OPTN: variants seen among roughly 807,000 people sequenced by gnomAD.
OPTN encodes the protein optineurin.
Under a neutral mutation model 70.4 loss-of-function variants are expected in OPTN, and 54 were observed. The ratio of observed to expected loss-of-function variants is 0.77; its 90% CI spans 0.62 to 0.96. The LOEUF (loss-of-function observed/expected upper bound fraction) is 0.96. OPTN is among the 40% of genes least tolerant of loss of function. The pLI is 0.00. For synonymous variants in OPTN, 256 were observed against 248.5 expected, an observed-to-expected ratio of 1.03 and a Z score of -0.28; for missense variants, 624 against 673.2, an observed-to-expected ratio of 0.93 and a Z score of 0.81.
intron 7 of OPTN, among the ~76,000 whole-genome samples, chr10:13,121,719 T>C (rs1440210245): frequency 6.6e-6 from 1 of 152,116 alleles, no homozygotes; most frequent in Non-Finnish European, 1.5e-5. Flanking sequence ...GTCGGCCTTC[T>C]TGGGCTGGTA....
chr10:13,109,552 G>A (rs534017078), intron 3 of OPTN: 13 of 439,042 alleles, frequency 3.0e-5, no homozygotes, highest in African/African-American at 6.0e-5. Flanking sequence ...GAGGCTGGGC[G>A]TGGTGGCTCA....
intron 5 of OPTN, among the ~76,000 whole-genome samples, chr10:13,115,413 TTATAGAATATATATAA>T (rs1287467227): frequency 5.6e-5 from 6 of 107,920 alleles, no homozygotes; most frequent in Admixed American, 3.6e-4. Flanking sequence ...TGTATTTATA[TTATAGAATATATATAA>T]TATAGAATAT....
chr10:13,127,829 C>T lies in OPTN; in HGVS notation c.1327C>T (p.Gln443Ter). Residue 443 changes from glutamine (Q) to a stop codon, truncating the protein, a stop_gained, in exon 12 of 15, where the codon CAA (glutamine) becomes TAA (stop). Coordinates refer to ENST00000378747, the MANE Select transcript of OPTN (RefSeq NM_001008212.2). LOFTEE classifies it high-confidence loss of function. The part of the protein sequence containing the change: ...AEKALASKQL[Q>*]MDEMKQTIAK... Reference sequence around the variant, plus strand: ...GAAGGCTCTGGCTTCCAAACAGCTGCAAATGGATGAAATGAAGCAAACCAT... The same window carrying T: ...GAAGGCTCTGGCTTCCAAACAGCTGTAAATGGATGAAATGAAGCAAACCAT... 1 of 1,614,008 alleles carries T rather than the reference C, an allele frequency of 6.2e-7. No homozygotes were observed.
chr10:13,116,127 A>G (rs1434067051), intron 5 of OPTN, 140 bp from the exon 6 acceptor site: 6 of 704,824 alleles, frequency 8.5e-6, no homozygotes, highest in Non-Finnish European at 1.3e-5. Context: ...CACCCCGTTT[A>G]AACAGTGCAC....
intron 6 of OPTN, among the ~76,000 whole-genome samples, chr10:13,116,971 T>C (rs1487961575): frequency 6.6e-6 from 1 of 152,084 alleles, no homozygotes; most frequent in Admixed American, 6.5e-5. Flanking sequence ...CTCTTGACTC[T>C]CGCAAAGCAG....
At chr10:13,103,486 C>G (rs1439843255) in intron 1 of OPTN, among the ~76,000 whole-genome samples, 1 of 152,178 alleles carries the variant, frequency 6.6e-6, no homozygotes, top group African/African-American at 2.4e-5. Context: ...GACTTTCTGA[C>G]CACTAGAGCC....
intron 5 of OPTN, among the ~76,000 whole-genome samples, chr10:13,115,128 A>T (rs1450647554): frequency 1.1e-5 from 1 of 92,682 alleles, no homozygotes; most frequent in African/African-American, 4.4e-5. Flanking sequence ...TATATATATA[A>T]ATTTATAATA....
intron 12 of OPTN, 34 bp from the exon 13 acceptor site, chr10:13,132,033 G>T: frequency 6.2e-7 from 1 of 1,604,286 alleles, no homozygotes; most frequent in Non-Finnish European, 8.5e-7. Context: ...ATTCATCTAG[G>T]TACTAACTTC....
At chr10:13,125,894 G>A in intron 10 of OPTN, 52 bp from the exon 11 acceptor site, 1 of 1,349,448 alleles carries the variant, frequency 7.4e-7, no homozygotes. Flanking sequence ...AAGACTATAA[G>A]TTTCTATGAT....
intron 8 of OPTN, chr10:13,123,095 T>C (rs900691447): frequency 6.3e-6 from 1 of 157,566 alleles, no homozygotes; most frequent in African/African-American, 2.4e-5. Flanking sequence ...TTGTCCACTT[T>C]ATAATGAGAT....
At chr10:13,109,936 G>GCC (rs57619737) in intron 3 of OPTN, among the ~76,000 whole-genome samples, 149,922 of 152,058 alleles carry the variant, frequency 0.99, 73,946 homozygotes, top group Middle Eastern at 1. Context: ...GGTATCTCAA[G>GCC]ATGGCTTTGG....
At position 13,126,015 on chromosome 10, in the gene OPTN, A is replaced by T. The variant is rs748317103; in HGVS notation, c.1218A>T (p.Thr406=). The change falls in exon 11 of 15, where the codon ACA becomes ACT. Residue 406 remains threonine, a synonymous_variant. Transcript: ENST00000378747. The part of the protein sequence containing the change: ...LLQEHNNALK[T]IEELTRKESE... ...AAGAACATAATAATGCATTGAAAAC[A>T]ATTGAGGAACTAACAAGAAAAGAGG... 2 of 1,611,054 alleles carry T rather than the reference A, an allele frequency of 1.2e-6. No homozygotes were observed. Among genetic ancestry groups the T allele is most frequent in the South Asian group, 2.2e-5 (2 of 91,010 alleles).
At chr10:13,111,949 G>A (rs1033181637) in intron 4 of OPTN, among the ~76,000 whole-genome samples, 11 of 136,460 alleles carry the variant, frequency 8.1e-5, no homozygotes, top group Admixed American at 4.2e-4. Flanking sequence ...CCAGGTTCAC[G>A]CCATTGTCCT....
chr10:13,110,562 C>G (rs1411445323), intron 4 of OPTN, 86 bp downstream of exon 4: 1 of 1,287,406 alleles, frequency 7.8e-7, no homozygotes, highest in Non-Finnish European at 1.1e-6. Context: ...ACTCCTAGAT[C>G]AAAACCTTTC....
At chr10:13,118,726 TG>T (rs1236779189) in intron 6 of OPTN, among the ~76,000 whole-genome samples, 161 bp from the exon 7 acceptor site, 9 of 152,216 alleles carry the variant, frequency 5.9e-5, no homozygotes, top group Non-Finnish European at 8.8e-5. Context: ...AGCTTGGCAC[TG>T]GGGGTCCCAG....
chr10:13,103,402 G>T (rs1251683042), intron 1 of OPTN, among the ~76,000 whole-genome samples: 1 of 152,100 alleles, frequency 6.6e-6, no homozygotes, highest in Non-Finnish European at 1.5e-5. Flanking sequence ...CCAGGGCAAG[G>T]GCCTAACCTT....
Position 13,133,037 on chromosome 10 carries a change from C to G in OPTN, c.1533-465C>G, listed in dbSNP as rs74729880. Reference sequence around the variant, plus strand: ...GTTAGGAATTTGGTGGGTAGCTTCCCCATCTATTTTATACTTTTACATATC... The same window carrying G: ...GTTAGGAATTTGGTGGGTAGCTTCCGCATCTATTTTATACTTTTACATATC... On this transcript the variant is annotated intron_variant, in intron 13 of 14. Coordinates refer to ENST00000378747, the MANE Select transcript of OPTN (RefSeq NM_001008212.2). Among the ~76,000 whole-genome samples, 60 of 152,144 alleles carry G rather than the reference C, an allele frequency of 3.9e-4. No homozygotes were observed. The East Asian group carries it at 0.01, about 25-fold the overall frequency.
chr10:13,116,744 C>T (rs74120675), intron 6 of OPTN, among the ~76,000 whole-genome samples: 34 of 152,326 alleles, frequency 2.2e-4, no homozygotes, highest in African/African-American at 7.9e-4. Context: ...TTCCCTGCTA[C>T]TTCCCAGTTA....
intron 13 of OPTN, 142 bp downstream of exon 13, chr10:13,132,339 C>A: frequency 1.4e-6 from 1 of 707,570 alleles, no homozygotes; most frequent in South Asian, 1.8e-5. Flanking sequence ...CAGAGCGAGT[C>A]CCCTGTCTGA....
Sources: gnomAD v4.1 joint callset for allele counts (sites outside exome capture counted in the v4.1 genomes callset) on GRCh38, gnomAD v4.1.1 for gene constraint, MANE v1.5 for transcripts, NCBI Gene and HGNC (gene_info 2026-07-23, HGNC 2026-07-21) for gene names.